The following RAB11FIP5 variants were observed in gnomAD, a reference collection of about 807,000 sequenced individuals.
The protein encoded by RAB11FIP5 is rab11 family-interacting protein 5.
Under a neutral mutation model 85.1 loss-of-function variants are expected in RAB11FIP5, and 48 were observed. The observed-to-expected ratio is 0.56, with a 90% confidence interval of 0.45 to 0.72. The LOEUF is 0.72. Among genes scored for constraint, RAB11FIP5 ranks in the 30% least tolerant of loss-of-function variants. The probability of loss-of-function intolerance (pLI) is 0.00; values close to 1 mark genes in which losing one functional copy is unlikely to be tolerated. For missense variants in RAB11FIP5, 1,491 were observed against 1,687.0 expected (o/e 0.88, Z 2.04); for synonymous variants, 729 against 727.3 (o/e 1.00, Z -0.04).
chr2:73,096,511 C>G (rs1558521896), intron 1 of RAB11FIP5, among the ~76,000 whole-genome samples: 1 of 152,162 alleles, frequency 6.6e-6, no homozygotes, highest in Non-Finnish European at 1.5e-5. Context: ...TAACAATGCC[C>G]CTTTCTGAGC....
In RAB11FIP5 at chr2:73,087,966, T is replaced by C. The variant is rs560163135; in HGVS notation, c.1568+84A>G. ...CAGCCTGCCTGAGGTCCATATCTAC[T>C]CCTTCCTCCCTGCCCCAGGGTCCAG... On this transcript the variant is annotated intron_variant, in intron 3 of 5. Transcript: ENST00000486777. 72 of 1,344,996 alleles carry C rather than the reference T, an allele frequency of 5.4e-5. No individual in the cohort carries two copies. The African/African-American group carries it at 8.3e-4, about 16-fold the overall frequency. The allele number at this position is 1,344,996 out of a possible 1,614,324, so 83.3% of individuals were successfully genotyped here. A position where few individuals can be genotyped will look rare whatever the true frequency, so the allele number is the denominator to read the frequency against.
At position 73,076,149 on chromosome 2, in the gene RAB11FIP5, A is replaced by C; in HGVS notation, c.3615T>G (p.Pro1205=). 1 of 1,613,224 alleles carries C rather than the reference A, an allele frequency of 6.2e-7. No individual in the cohort carries two copies. Residue 1205 remains proline (P), a synonymous_variant, in exon 5 of 6, where the codon CCT becomes CCG. Coordinates refer to ENST00000486777, the MANE Select transcript of RAB11FIP5 (RefSeq NM_001371272.1). ...PHPVKPLSAA[P]VEGSPDRKQS... ...GCTTCCTGTCGGGGCTGCCCTCCACAGGGGCGGCACTGAGGGGCTTCACGG... is the reference window on the plus strand; with the variant it reads ...GCTTCCTGTCGGGGCTGCCCTCCACCGGGGCGGCACTGAGGGGCTTCACGG...
At chr2:73,092,095 GC>G (rs1199922799) in intron 1 of RAB11FIP5, among the ~76,000 whole-genome samples, 1 of 152,202 alleles carries the variant, frequency 6.6e-6, no homozygotes, top group African/African-American at 2.4e-5. Context: ...TACGTTCTCA[GC>G]CCAGTGACCA....
Position 73,075,437 on chromosome 2 carries a change from C to G in RAB11FIP5, c.*84G>C. 7.5e-7 allele frequency: 1 copy of G among 1,330,922 alleles called. No homozygotes were observed. The highest frequency in any genetic ancestry group is 1.1e-6 in the Non-Finnish European group (1 of 921,982). 82.4% of individuals were successfully genotyped at this position (1,330,922 alleles called of 1,614,324 possible). On this transcript the variant is annotated 3_prime_UTR_variant, in exon 6 of 6. Coordinates refer to ENST00000486777, the MANE Select transcript of RAB11FIP5 (RefSeq NM_001371272.1). This position sits in a 1 kb window ranked among gnomAD's most constrained non-coding sequence, Gnocchi z 4.6. ...TGACAAGGCAAGACAGACGATGCCC[C>G]ACTGCAGATGAGAGAGTTCAGGAGG...
chr2:73,084,480 T>G (rs900626794), intron 3 of RAB11FIP5: 6 of 152,212 alleles, frequency 3.9e-5, no homozygotes, highest in African/African-American at 1.2e-4. Flanking sequence ...CAATATATGC[T>G]GATTTGTCTT....
chr2:73,112,334 GC>G lies in RAB11FIP5; in HGVS notation c.431+12del, dbSNP rs1192582239. 2 of 1,561,516 alleles carry G rather than the reference GC, an allele frequency of 1.3e-6. No individual in the cohort carries two copies. Among genetic ancestry groups the G allele is most frequent in the South Asian group, 1.2e-5 (1 of 84,892 alleles). On this transcript the variant is annotated intron_variant, in intron 1 of 5. Coordinates refer to ENST00000486777, the MANE Select transcript of RAB11FIP5 (RefSeq NM_001371272.1). ...CCTTTAGCCGTTTCTGTGCCCCCGCGCCCCCTACTCACTGCGTGTGCTGGGC... is the reference window on the plus strand; with the variant it reads ...CCTTTAGCCGTTTCTGTGCCCCCGCGCCCCTACTCACTGCGTGTGCTGGGC...
intron 1 of RAB11FIP5, among the ~76,000 whole-genome samples, chr2:73,107,392 G>A (rs1052326277): frequency 6.6e-6 from 1 of 152,128 alleles, no homozygotes; most frequent in Admixed American, 6.5e-5. Context: ...CAAGTGGGGC[G>A]GGCAGCTCCC....
intron 1 of RAB11FIP5, among the ~76,000 whole-genome samples, chr2:73,108,770 G>T (rs190271508): frequency 6.6e-6 from 1 of 152,222 alleles, no homozygotes; most frequent in South Asian, 2.1e-4. Flanking sequence ...TGGGCCAGGC[G>T]TGGTGGCTCA....
intron 1 of RAB11FIP5, among the ~76,000 whole-genome samples, chr2:73,091,473 G>A (rs1008325518): frequency 2.0e-5 from 3 of 150,772 alleles, no homozygotes; most frequent in East Asian, 1.9e-4. Flanking sequence ...ACACACACAC[G>A]CACACAGAGC....
chr2:73,089,342 C>T lies in RAB11FIP5; in HGVS notation c.432-27G>A, dbSNP rs372261363. 27 of 1,609,182 alleles carry T rather than the reference C, an allele frequency of 1.7e-5. No individual in the cohort carries two copies. The highest frequency in any genetic ancestry group is 2.0e-5 in the Non-Finnish European group (23 of 1,179,374). ...TGTGAGAAGAGGGGAGCAGGCAGAA[C>T]TCAGTCACGGGCCCAGGGAGCCTGG... On this transcript the variant is annotated intron_variant, in intron 1 of 5. Coordinates refer to ENST00000486777, the MANE Select transcript of RAB11FIP5 (RefSeq NM_001371272.1). The surrounding 1 kb of genome is among the most constrained non-coding windows in gnomAD (Gnocchi z 4.6).
intron 1 of RAB11FIP5, among the ~76,000 whole-genome samples, chr2:73,109,361 T>G (rs1241113748): frequency 6.6e-6 from 1 of 152,182 alleles, no homozygotes. Context: ...ACCACCACGC[T>G]AATATTTTGA....
At chr2:73,088,853 A>T (rs532749328) in intron 2 of RAB11FIP5, 26 bp downstream of exon 2, 9 of 1,543,560 alleles carry the variant, frequency 5.8e-6, no homozygotes. Flanking sequence ...CCCCCTCCCC[A>T]GGGCGGCGGC....
rs1189183992 is a variant in RAB11FIP5 at position 73,078,517 on chromosome 2, G to T, written c.3581+1134C>A. Among the ~76,000 whole-genome samples the T allele has an allele frequency of 1.3e-5, 2 of 152,200 alleles. No homozygotes were observed. Among genetic ancestry groups the T allele is most frequent in the African/African-American group, 4.8e-5 (2 of 41,446 alleles). ...CCACCACCAGGGAGGGACACTGGGG[G>T]CAGCCTGGACTCCCTCCCACCCACT... On this transcript the variant is annotated intron_variant, in intron 4 of 5. Transcript: ENST00000486777. This position sits in a 1 kb window ranked among gnomAD's most constrained non-coding sequence, Gnocchi z 4.4.
intron 1 of RAB11FIP5, among the ~76,000 whole-genome samples, chr2:73,100,059 T>C (rs949282037): frequency 2.6e-5 from 4 of 152,142 alleles, no homozygotes; most frequent in African/African-American, 9.7e-5. Flanking sequence ...AGGGCACCAA[T>C]GTGAAGAGGA....
At chr2:73,084,724 G>A (rs984110420) in intron 3 of RAB11FIP5, among the ~76,000 whole-genome samples, 2 of 152,206 alleles carry the variant, frequency 1.3e-5, no homozygotes, top group African/African-American at 2.4e-5. Context: ...TCTTCCTTGG[G>A]CTGAAAAGAG....
Position 73,079,877 on chromosome 2 carries a change from C to A in RAB11FIP5, c.3355G>T (p.Gly1119Trp). Residue 1119 changes from glycine to tryptophan, a missense_variant, in exon 4 of 6, where the codon GGG becomes TGG. By Grantham distance (184) the Gly-to-Trp change is radical. Transcript: ENST00000486777. ...PLPPWASHHR[G>W]GPSPPCSPLS... ...GGAGAGCATGGAGGGCTGGGCCCCC[C>A]ACGGTGGTGGCTGGCCCAAGGCGGG... 8.1e-7 allele frequency: 1 copy of A among 1,232,490 alleles called. No homozygotes were observed. Among genetic ancestry groups the A allele is most frequent in the Non-Finnish European group, 1.0e-6 (1 of 988,276 alleles). 76.3% of individuals were successfully genotyped at this position (1,232,490 alleles called of 1,614,324 possible). A position where few individuals can be genotyped will look rare whatever the true frequency, so the allele number is the denominator to read the frequency against.
At chr2:73,095,299 G>T (rs1441604237) in intron 1 of RAB11FIP5, among the ~76,000 whole-genome samples, 2 of 152,218 alleles carry the variant, frequency 1.3e-5, no homozygotes, top group Non-Finnish European at 2.9e-5. Context: ...AAAATTCCTT[G>T]CACCTGAAGA....
At chr2:73,097,399 T>A (rs1380404445) in intron 1 of RAB11FIP5, among the ~76,000 whole-genome samples, 1 of 152,234 alleles carries the variant, frequency 6.6e-6, no homozygotes, top group Non-Finnish European at 1.5e-5. Flanking sequence ...CACACGCATG[T>A]GTCCCCATGT....
intron 1 of RAB11FIP5, among the ~76,000 whole-genome samples, chr2:73,098,999 A>G (rs1453901372): frequency 6.6e-6 from 1 of 151,848 alleles, no homozygotes; most frequent in African/African-American, 2.4e-5. Flanking sequence ...ATACAGTAAT[A>G]AAGCACTTAT....
Sources: allele counts gnomAD v4.1 joint callset (sites outside exome capture counted in the v4.1 genomes callset), GRCh38; gene constraint gnomAD v4.1.1; non-coding constraint Gnocchi (gnomAD v3.1); transcripts MANE v1.5; gene names NCBI Gene and HGNC (gene_info 2026-07-23, HGNC 2026-07-21).